FRMPD1: variants seen among roughly 807,000 people sequenced by gnomAD.
The protein encoded by FRMPD1 is FERM and PDZ domain-containing protein 1.
FRMPD1 carries 76 observed loss-of-function variants against 117.8 expected under a neutral mutation model. The ratio of observed to expected loss-of-function variants is 0.65; its 90% confidence interval spans 0.54 to 0.78. The LOEUF (loss-of-function observed/expected upper bound fraction) is 0.78, where lower values mean the gene tolerates loss of function less well. Among genes scored for constraint, FRMPD1 ranks in the 30% least tolerant of loss-of-function variants. The pLI is 0.00. For missense variants in FRMPD1, 1,786 were observed against 1,964.5 expected (o/e 0.91, Z 1.72); for synonymous variants, 783 against 770.4 (o/e 1.02, Z -0.27).
chr9:37,711,299 C>CATA, intron 4 of FRMPD1, 51 bp from the exon 5 acceptor site: 5 of 1,142,058 alleles, frequency 4.4e-6, no homozygotes, highest in Non-Finnish European at 6.7e-6. Context: ...GCACGTGCAT[C>CATA]CATCACGCAG....
At chr9:37,699,035 G>A (rs181870053) in intron 2 of FRMPD1, among the ~76,000 whole-genome samples, 4 of 151,114 alleles carry the variant, frequency 2.6e-5, no homozygotes, top group African/African-American at 7.3e-5. Context: ...CACCACACCC[G>A]GCCTAATTTT....
intron 6 of FRMPD1, among the ~76,000 whole-genome samples, chr9:37,720,403 GC>G (rs1310936489): frequency 5.3e-5 from 8 of 152,200 alleles, no homozygotes; most frequent in Admixed American, 5.2e-4. Context: ...GGTGGCTCAC[GC>G]CTGTAATCCC....
chr9:37,617,905 A>G, the FRMPD1 span, among the ~76,000 whole-genome samples: 7 of 152,148 alleles, frequency 4.6e-5, no homozygotes, highest in South Asian at 1.2e-3. Flanking sequence ...TGGTCTTTAG[A>G]ACTCCCCATG....
intron 1 of FRMPD1, among the ~76,000 whole-genome samples, chr9:37,658,845 G>A (rs905434170): frequency 2.6e-5 from 4 of 151,998 alleles, no homozygotes; most frequent in Admixed American, 2.0e-4. Flanking sequence ...CAGGTTCCTG[G>A]GATTGGGACT....
At chr9:37,604,620 C>A in the FRMPD1 span, among the ~76,000 whole-genome samples, 1 of 152,192 alleles carries the variant, frequency 6.6e-6, no homozygotes, top group African/African-American at 2.4e-5. Flanking sequence ...TAATGATTCA[C>A]TTGTGTTCAG....
chr9:37,668,913 C>T (rs1256680313), intron 1 of FRMPD1, among the ~76,000 whole-genome samples: 1 of 152,206 alleles, frequency 6.6e-6, no homozygotes, highest in Non-Finnish European at 1.5e-5. Context: ...TCATTAAATA[C>T]TTTTGGAACT....
At chr9:37,658,171 G>A (rs980221247) in intron 1 of FRMPD1, among the ~76,000 whole-genome samples, 1 of 152,088 alleles carries the variant, frequency 6.6e-6, no homozygotes, top group Non-Finnish European at 1.5e-5. Flanking sequence ...GGACACCGCT[G>A]TGCAGGTGGG....
At chr9:37,717,367 GTGTA>G (rs1288476510) in intron 5 of FRMPD1, among the ~76,000 whole-genome samples, 4 of 77,450 alleles carry the variant, frequency 5.2e-5, no homozygotes, top group African/African-American at 1.9e-4. Context: ...GTGTGTGTGT[GTGTA>G]TATATATATA....
At chr9:37,702,465 A>G (rs1242482751) in intron 2 of FRMPD1, among the ~76,000 whole-genome samples, 3 of 152,270 alleles carry the variant, frequency 2.0e-5, no homozygotes, top group Non-Finnish European at 4.4e-5. Flanking sequence ...TCAGAGCTCC[A>G]AGATGTGAGA....
chr9:37,642,824 C>G, the FRMPD1 span, among the ~76,000 whole-genome samples: 1 of 152,270 alleles, frequency 6.6e-6, no homozygotes, highest in Non-Finnish European at 1.5e-5. Context: ...TAGCACTTAA[C>G]TCTGCTATGT....
chr9:37,740,090 G>A lies in FRMPD1; in HGVS notation c.1562G>A (p.Arg521Lys). 1 of 1,599,112 alleles carries A rather than the reference G, an allele frequency of 6.3e-7. No homozygotes were observed. The highest frequency in any genetic ancestry group is 2.2e-5 in the East Asian group (1 of 44,764). ...CCCTGTGTTGCAGGCTATGAATCCA[G>A]GGCCTGCAGTGACTCAGAGGAGTCC... ...RVSAEEGYES[R>K]ACSDSEESSE... is the part of the protein sequence containing the mutation. Residue 521 changes from arginine to lysine, a missense_variant, in exon 15 of 16, where the codon AGG (arginine) becomes AAG (lysine). Coordinates refer to ENST00000377765, the MANE Select transcript of FRMPD1 (RefSeq NM_014907.3). The surrounding 1 kb of genome is among the most constrained non-coding windows in gnomAD (Gnocchi z 4.2).
chr9:37,685,560 G>C (rs1476493580), intron 1 of FRMPD1, among the ~76,000 whole-genome samples: 1 of 152,052 alleles, frequency 6.6e-6, no homozygotes, highest in Non-Finnish European at 1.5e-5. Flanking sequence ...GCTGAGGCAG[G>C]AGAATGGCGT....
At chr9:37,705,290 A>C (rs1563940287) in intron 2 of FRMPD1, among the ~76,000 whole-genome samples, 1 of 152,004 alleles carries the variant, frequency 6.6e-6, no homozygotes, top group Non-Finnish European at 1.5e-5. Context: ...GATAACTATT[A>C]TTAGCATTTA....
the FRMPD1 span, chr9:37,637,358 G>A: frequency 1.1e-5 from 9 of 784,400 alleles, no homozygotes; most frequent in Admixed American, 1.7e-4. Context: ...TTCCAAGATG[G>A]TGGCCGCCGA....
the FRMPD1 span, among the ~76,000 whole-genome samples, chr9:37,630,840 C>G: frequency 6.6e-6 from 1 of 152,142 alleles, no homozygotes; most frequent in African/African-American, 2.4e-5. Flanking sequence ...TTGGTGTCCC[C>G]TGTTATTCAG....
rs757308697 is a variant in FRMPD1, at chr9:37,692,755, A to G, written c.101+13A>G. On this transcript the variant is annotated intron_variant, in intron 2 of 15. Transcript: ENST00000377765. ...ACAGCTCGGCCCGGTAAGCCTCCTGAGTTTGCAGATTTCTGTCTATAAAGG... is the reference window on the plus strand; with the variant it reads ...ACAGCTCGGCCCGGTAAGCCTCCTGGGTTTGCAGATTTCTGTCTATAAAGG... 4 of 1,591,574 alleles carry G rather than the reference A, an allele frequency of 2.5e-6. No individual in the cohort carries two copies. The South Asian group carries it at 3.3e-5, about 13-fold the overall frequency.
chr9:37,670,419 G>A (rs1821311689), intron 1 of FRMPD1, among the ~76,000 whole-genome samples: 1 of 152,162 alleles, frequency 6.6e-6, no homozygotes, highest in South Asian at 2.1e-4. Flanking sequence ...AGGACTTCAT[G>A]AAGACAGCAG....
At chr9:37,714,532 G>A (rs1322401586) in intron 5 of FRMPD1, among the ~76,000 whole-genome samples, 2 of 152,080 alleles carry the variant, frequency 1.3e-5, no homozygotes, top group African/African-American at 4.8e-5. Context: ...CCTAAATATT[G>A]GCTAGCCTGC....
At chr9:37,743,846 C>T (rs189986597) in intron 15 of FRMPD1, among the ~76,000 whole-genome samples, 10 of 150,848 alleles carry the variant, frequency 6.6e-5, no homozygotes, top group Admixed American at 2.0e-4. Flanking sequence ...TGCTGTGAGC[C>T]GTCACACCAC....
Sources: gnomAD v4.1 joint callset for allele counts (sites outside exome capture counted in the v4.1 genomes callset) on GRCh38, gnomAD v4.1.1 for gene constraint, Gnocchi (gnomAD v3.1) non-coding constraint, MANE v1.5 for transcripts, NCBI Gene and HGNC (gene_info 2026-07-23, HGNC 2026-07-21) for gene names.